The following MARCOL variants were observed in gnomAD, a reference collection of about 807,000 sequenced individuals.
MARCOL encodes the protein MARCO-like protein.
chr5:148,240,994 G>A (rs1308138959), intron 1 of MARCOL, among the ~76,000 whole-genome samples: 1 of 151,942 alleles, frequency 6.6e-6, no homozygotes, highest in Non-Finnish European at 1.5e-5. Context: ...TCAGCTTCAT[G>A]TGAACAGGGC....
chr5:148,238,661 G>A lies in MARCOL; in HGVS notation c.49+15G>A. On this transcript the variant is annotated intron_variant, in intron 1 of 1. Coordinates refer to ENST00000638089, the MANE Select transcript of MARCOL (RefSeq NM_001363511.2). Reference sequence around the variant, plus strand: ...CATGTTCTCAGGTAAGAAAGTCACAGTCAATAGCTTTCCTTCCAAATCTCA... The same window carrying A: ...CATGTTCTCAGGTAAGAAAGTCACAATCAATAGCTTTCCTTCCAAATCTCA... The A allele has an allele frequency of 2.5e-6, 1 of 398,164 alleles. No individual in the cohort carries two copies. 24.7% of individuals were successfully genotyped at this position (398,164 alleles called of 1,614,324 possible).
At chr5:148,242,209 G>A (rs576493682) in intron 1 of MARCOL, among the ~76,000 whole-genome samples, 6 of 152,092 alleles carry the variant, frequency 3.9e-5, no homozygotes, top group African/African-American at 1.4e-4. Context: ...TTAGAAATGG[G>A]GCAAGTTGGA....
chr5:148,242,829 G>T lies in MARCOL; in HGVS notation c.433G>T (p.Asp145Tyr). 2.5e-6 allele frequency: 1 copy of T among 398,532 alleles called. No individual in the cohort carries two copies. The highest frequency in any genetic ancestry group is 1.3e-4 in the South Asian group (1 of 7,832). 24.7% of individuals were successfully genotyped at this position (398,532 alleles called of 1,614,324 possible). A position where few individuals can be genotyped will look rare whatever the true frequency, so the allele number is the denominator to read the frequency against. ...CCAACAGGGAAATCCAGGGTCATCT[G>T]ACCAACAAGAGAAACCAGGGTCATT... ...STQQGNPGSS[D>Y]QQEKPGSFSQ... The change falls in exon 2 of 2, where the codon GAC (aspartate) becomes TAC (tyrosine). Residue 145 changes from aspartate to tyrosine, a missense_variant. Asp to Tyr is a radical substitution (Grantham distance 160). Coordinates refer to ENST00000638089, the MANE Select transcript of MARCOL (RefSeq NM_001363511.2).
chr5:148,239,323 G>A (rs1450211538), intron 1 of MARCOL, among the ~76,000 whole-genome samples: 5 of 151,786 alleles, frequency 3.3e-5, no homozygotes, highest in Admixed American at 1.3e-4. Flanking sequence ...CATTTCTCAA[G>A]ATAAAAATTA....
rs1272089766 is a variant in MARCOL, at chr5:148,239,373, G to A, written c.49+727G>A. ...ATTCTAATTTATCCCCAAATCATAAGCTCCCACTTGACCATCTTTCTTATA... is the reference window on the plus strand; with the variant it reads ...ATTCTAATTTATCCCCAAATCATAAACTCCCACTTGACCATCTTTCTTATA... On this transcript the variant is annotated intron_variant, in intron 1 of 1. Transcript: ENST00000638089. Among the ~76,000 whole-genome samples, 3 of 151,780 alleles carry A rather than the reference G, an allele frequency of 2.0e-5. No homozygotes were observed. In the East Asian group the frequency reaches 5.8e-4, roughly 29 times the overall value.
intron 1 of MARCOL, among the ~76,000 whole-genome samples, chr5:148,241,744 A>T (rs562466423): frequency 9.9e-5 from 15 of 152,230 alleles, no homozygotes; most frequent in African/African-American, 3.6e-4. Flanking sequence ...TATAAAACAC[A>T]GGGTTTAAGA....
intron 1 of MARCOL, among the ~76,000 whole-genome samples, chr5:148,241,554 A>G (rs180909935): frequency 2.6e-4 from 39 of 151,028 alleles, no homozygotes; most frequent in Non-Finnish European, 4.7e-4. Flanking sequence ...GAAAAGAAGC[A>G]TAGCCCAATG....
chr5:148,238,615 C>T lies in MARCOL; in HGVS notation c.18C>T (p.Phe6=), dbSNP rs1348775552. 1 of 398,114 alleles carries T rather than the reference C, an allele frequency of 2.5e-6. No homozygotes were observed. The highest frequency in any genetic ancestry group is 4.4e-6 in the Non-Finnish European group (1 of 225,476). The allele number at this position is 398,114 out of a possible 1,614,324, so 24.7% of individuals were successfully genotyped here. Residue 6 remains phenylalanine (F), a synonymous_variant, in exon 1 of 2, where the codon TTC becomes TTT. Transcript: ENST00000638089. ...ACGGTACCATGAGGGCTTTCATTTT[C>T]TTTCTCTTCATGCTCCTGGCCATGT... is the stretch of plus-strand genomic sequence containing the variant. MRAFI[F]FLFMLLAMFS... is the part of the protein sequence containing the mutation.
At chr5:148,240,447 A>T (rs892216658) in intron 1 of MARCOL, among the ~76,000 whole-genome samples, 7 of 151,714 alleles carry the variant, frequency 4.6e-5, no homozygotes, top group Non-Finnish European at 8.8e-5. Flanking sequence ...TGTCTTAGGC[A>T]CTTTACTTTT....
rs764932898 is a variant in MARCOL, at chr5:148,243,221, G to C, written c.825G>C (p.Lys275Asn). The C allele has an allele frequency of 1.3e-5, 5 of 398,872 alleles. No individual in the cohort carries two copies. The highest frequency in any genetic ancestry group is 2.1e-5 in the African/African-American group (1 of 48,570). 24.7% of individuals were successfully genotyped at this position (398,872 alleles called of 1,614,324 possible). A position where few individuals can be genotyped will look rare whatever the true frequency, so the allele number is the denominator to read the frequency against. ...AAGGACCTTCTAGCAAACAGAGGAA[G>C]CCAGGTTCATCCAGCCGTCAAGGAA... ...GNQGPSSKQRKPGSSSRQGNL is the reference protein window; with the variant it reads ...GNQGPSSKQRNPGSSSRQGNL The change falls in exon 2 of 2, where the codon AAG becomes AAC. Residue 275 changes from lysine (K) to asparagine (N), a missense_variant. Lys to Asn is a moderately conservative substitution (Grantham distance 94, BLOSUM62 0). Coordinates refer to ENST00000638089, the MANE Select transcript of MARCOL (RefSeq NM_001363511.2).
chr5:148,239,206 A>G (rs1456509291), intron 1 of MARCOL, among the ~76,000 whole-genome samples: 1 of 151,922 alleles, frequency 6.6e-6, no homozygotes, highest in Non-Finnish European at 1.5e-5. Flanking sequence ...TTGACTCTCA[A>G]CTTACTTTTC....
At chr5:148,239,923 G>A (rs528422905) in intron 1 of MARCOL, among the ~76,000 whole-genome samples, 8 of 151,760 alleles carry the variant, frequency 5.3e-5, no homozygotes, top group African/African-American at 9.6e-5. Flanking sequence ...AATACTAAGC[G>A]CATCCTAGAG....
chr5:148,241,710 G>C (rs1233103695), intron 1 of MARCOL, among the ~76,000 whole-genome samples: 2 of 151,980 alleles, frequency 1.3e-5, no homozygotes, highest in Non-Finnish European at 2.9e-5. Context: ...GCATAGGTGG[G>C]CTTCCAAAAT....
Position 148,242,622 on chromosome 5 carries a change from C to G in MARCOL, c.226C>G (p.Pro76Ala), listed in dbSNP as rs948633456. The change falls in exon 2 of 2, where the codon CCA becomes GCA. Residue 76 changes from proline to alanine, a missense_variant. Physicochemically the swap from Pro to Ala is conservative, Grantham distance 27. Coordinates refer to ENST00000638089, the MANE Select transcript of MARCOL (RefSeq NM_001363511.2). ...NPGTFRLQGQ[P>A]GYFNKLEKPR... The stretch of plus-strand genomic sequence containing the variant: ...AGGAACGTTTAGGCTTCAAGGACAA[C>G]CAGGCTATTTTAACAAGCTAGAGAA... 76 of 398,190 alleles carry G rather than the reference C, an allele frequency of 1.9e-4. 1 individual carries two copies. The highest frequency in any genetic ancestry group is 2.4e-4 in the Non-Finnish European group (54 of 225,940). 24.7% of individuals were successfully genotyped at this position (398,190 alleles called of 1,614,324 possible).
rs1159917676 is a variant in MARCOL at position 148,242,782 on chromosome 5, T to A, written c.386T>A (p.Leu129Gln). The A allele has an allele frequency of 5.0e-6, 2 of 398,242 alleles. No individual in the cohort carries two copies. The highest frequency in any genetic ancestry group is 8.9e-6 in the Non-Finnish European group (2 of 225,956). The allele number at this position is 398,242 out of a possible 1,614,324, so 24.7% of individuals were successfully genotyped here. A position where few individuals can be genotyped will look rare whatever the true frequency, so the allele number is the denominator to read the frequency against. Residue 129 changes from leucine (L) to glutamine (Q), a missense_variant, in exon 2 of 2, where the codon CTA becomes CAA. Coordinates refer to ENST00000638089, the MANE Select transcript of MARCOL (RefSeq NM_001363511.2). ...GAAAACTCAGGATCTTCTAGCCAAC[T>A]AGGGAGACCAGGGATTTCTACCCAA... ...KQENSGSSSQ[L>Q]GRPGISTQQG... is the part of the protein sequence containing the mutation.
At chr5:148,240,806 A>T (rs944612233) in intron 1 of MARCOL, among the ~76,000 whole-genome samples, 6 of 151,834 alleles carry the variant, frequency 4.0e-5, no homozygotes, top group African/African-American at 1.4e-4. Context: ...TTTTCTCATT[A>T]ATTTCTCTGG....
intron 1 of MARCOL, among the ~76,000 whole-genome samples, chr5:148,240,940 A>G (rs1013806730): frequency 6.6e-6 from 1 of 151,956 alleles, no homozygotes; most frequent in Non-Finnish European, 1.5e-5. Context: ...TGATCATTCT[A>G]CTATAATATA....
In MARCOL at chr5:148,243,080, G is replaced by A. The variant is rs1755986459; in HGVS notation, c.684G>A (p.Gln228=). ...QQGNLGTSGQ[Q]EKPGSSSQQG... The stretch of plus-strand genomic sequence containing the variant: ...GAAATCTAGGAACTTCTGGCCAACA[G>A]GAGAAGCCAGGATCTTCTAGCCAAC... The change falls in exon 2 of 2, where the codon CAG becomes CAA. Residue 228 remains glutamine, a synonymous_variant. Coordinates refer to ENST00000638089, the MANE Select transcript of MARCOL (RefSeq NM_001363511.2). The A allele has an allele frequency of 1.3e-5, 5 of 394,634 alleles. No individual in the cohort carries two copies. In the Admixed American group the frequency reaches 1.3e-4, roughly 11 times the overall value. 24.4% of individuals were successfully genotyped at this position (394,634 alleles called of 1,614,324 possible).
intron 1 of MARCOL, among the ~76,000 whole-genome samples, chr5:148,242,229 TA>T (rs1755973949): frequency 6.6e-6 from 1 of 152,138 alleles, no homozygotes; most frequent in Non-Finnish European, 1.5e-5. Flanking sequence ...ATTGATCCTC[TA>T]ATTTTTGAAA....
Sources: allele counts gnomAD v4.1 joint callset (sites outside exome capture counted in the v4.1 genomes callset), GRCh38; gene constraint gnomAD v4.1.1; transcripts MANE v1.5; gene names NCBI Gene and HGNC (gene_info 2026-07-23, HGNC 2026-07-21).